The following IER3IP1 variants were observed in gnomAD, a reference collection of about 807,000 sequenced individuals.
IER3IP1 encodes the protein immediate early response 3-interacting protein 1.
IER3IP1 carries 16 observed loss-of-function variants against 12.2 expected under a neutral mutation model. The ratio of observed to expected loss-of-function variants is 1.31; its 90% CI spans 0.89 to 1.99. The LOEUF (loss-of-function observed/expected upper bound fraction) is 1.99, where lower values mean the gene tolerates loss of function less well. IER3IP1 is among the 30% of genes most tolerant of loss of function. The probability of loss-of-function intolerance (pLI) is 0.00; values close to 1 mark genes in which losing one functional copy is unlikely to be tolerated. For missense variants in IER3IP1, 95 were observed against 95.8 expected, an observed-to-expected ratio of 0.99 and a Z score of 0.03; for synonymous variants, 42 against 40.0, an observed-to-expected ratio of 1.05 and a Z score of -0.19.
chr18:47,156,242 G>GAA lies in IER3IP1; in HGVS notation c.194-12_194-11dup. The GAA allele has an allele frequency of 5.0e-6, 7 of 1,395,062 alleles. No individual in the cohort carries two copies. Among genetic ancestry groups the GAA allele is most frequent in the Non-Finnish European group, 5.9e-6 (6 of 1,019,820 alleles). The allele number at this position is 1,395,062 out of a possible 1,614,324, so 86.4% of individuals were successfully genotyped here. ...ACTATTATCAATGGCACTGTAAAGA[G>GAA]AAAAAAAAAAGTTTGTTACTATAAA... On this transcript the variant is annotated splice_polypyrimidine_tract_variant and intron_variant, in intron 2 of 2. Coordinates refer to ENST00000256433, the MANE Select transcript of IER3IP1 (RefSeq NM_016097.5).
At chr18:47,171,525 A>C (rs903566269) in intron 1 of IER3IP1, among the ~76,000 whole-genome samples, 11 of 152,188 alleles carry the variant, frequency 7.2e-5, no homozygotes, top group East Asian at 1.9e-4. Context: ...ATTATTCATT[A>C]TCTCTCTTTG....
intron 1 of IER3IP1, among the ~76,000 whole-genome samples, chr18:47,175,152 G>C (rs1477836900): frequency 1.3e-5 from 2 of 152,160 alleles, no homozygotes; most frequent in African/African-American, 4.8e-5. Context: ...TCTTGCTCCT[G>C]GGTTTACGTT....
chr18:47,168,125 C>CAAAAAAAAAA (rs1161198067), intron 1 of IER3IP1, among the ~76,000 whole-genome samples: 5 of 25,164 alleles, frequency 2.0e-4, no homozygotes, highest in African/African-American at 6.8e-4. Context: ...GACTCCGTCT[C>CAAAAAAAAAA]AAAAAAAAAA....
chr18:47,157,487 T>C lies in IER3IP1; in HGVS notation c.142A>G (p.Ile48Val), dbSNP rs768113000. ...ATAAGGTTCATTAGCTGTGATTTAA[T>C]TCCCGGCTCTTCTCCAAATCCACCA... ...GIGGFGEEPG[I>V]KSQLMNLIRS... Residue 48 changes from isoleucine to valine, a missense_variant, in exon 2 of 3, where the codon ATT becomes GTT. By Grantham distance (29) the Ile-to-Val change is conservative (BLOSUM62 3). Transcript: ENST00000256433. The C allele has an allele frequency of 1.2e-6, 2 of 1,614,168 alleles. No homozygotes were observed. The highest frequency in any genetic ancestry group is 1.1e-5 in the South Asian group (1 of 91,082).
intron 1 of IER3IP1, among the ~76,000 whole-genome samples, chr18:47,167,671 T>C (rs2064000367): frequency 6.6e-6 from 1 of 152,184 alleles, no homozygotes; most frequent in Admixed American, 6.5e-5. Context: ...TATTTTATAT[T>C]ACCCCAATCA....
intron 1 of IER3IP1, among the ~76,000 whole-genome samples, chr18:47,162,701 A>G (rs967701143): frequency 2.6e-5 from 4 of 152,182 alleles, no homozygotes; most frequent in Non-Finnish European, 5.9e-5. Flanking sequence ...AGAGGCAATT[A>G]TTGAAGAAAT....
At chr18:47,161,841 A>G (rs1447606688) in intron 1 of IER3IP1, among the ~76,000 whole-genome samples, 1 of 151,598 alleles carries the variant, frequency 6.6e-6, no homozygotes, top group Non-Finnish European at 1.5e-5. Flanking sequence ...TGAGAGCCCT[A>G]AGTTTGTTTT....
chr18:47,158,963 T>C (rs1264808576), intron 1 of IER3IP1, among the ~76,000 whole-genome samples: 1 of 151,900 alleles, frequency 6.6e-6, no homozygotes, highest in African/African-American at 2.4e-5. Flanking sequence ...TGTCTCAAAT[T>C]AAAAATTTTT....
intron 1 of IER3IP1, among the ~76,000 whole-genome samples, chr18:47,167,825 G>A (rs543130222): frequency 1.3e-5 from 2 of 152,160 alleles, no homozygotes; most frequent in Non-Finnish European, 2.9e-5. Context: ...CATTGCAGGT[G>A]TTCTAAAACA....
intron 1 of IER3IP1, among the ~76,000 whole-genome samples, chr18:47,175,721 A>G (rs2064030643): frequency 6.6e-6 from 1 of 152,026 alleles, no homozygotes; most frequent in African/African-American, 2.4e-5. Flanking sequence ...TCGGCCTGCC[A>G]AAGTGCTGGG....
At chr18:47,166,348 A>T (rs1415834526) in intron 1 of IER3IP1, among the ~76,000 whole-genome samples, 1 of 152,220 alleles carries the variant, frequency 6.6e-6, no homozygotes, top group African/African-American at 2.4e-5. Flanking sequence ...CAGAAAAGAA[A>T]CTACAGTGAT....
rs1208081147 is a variant in IER3IP1, at chr18:47,157,348, T to G, written c.193+88A>C. ...AGAGAAAAAAAATTCCCACTACAAA[T>G]GGCATATATGGTATTCACACTCAGA... On this transcript the variant is annotated intron_variant, in intron 2 of 2. Coordinates refer to ENST00000256433, the MANE Select transcript of IER3IP1 (RefSeq NM_016097.5). 4 of 1,061,090 alleles carry G rather than the reference T, an allele frequency of 3.8e-6. No homozygotes were observed. The African/African-American group carries it at 6.3e-5, about 17-fold the overall frequency. 65.7% of individuals were successfully genotyped at this position (1,061,090 alleles called of 1,614,324 possible). A position where few individuals can be genotyped will look rare whatever the true frequency, so the allele number is the denominator to read the frequency against.
At chr18:47,167,149 C>T (rs979177331) in intron 1 of IER3IP1, among the ~76,000 whole-genome samples, 1 of 152,022 alleles carries the variant, frequency 6.6e-6, no homozygotes, top group African/African-American at 2.4e-5. Context: ...ATCCTGGGCT[C>T]AAGCCATTCT....
intron 1 of IER3IP1, among the ~76,000 whole-genome samples, chr18:47,165,916 T>A (rs1470074917): frequency 6.6e-6 from 1 of 152,230 alleles, no homozygotes; most frequent in Non-Finnish European, 1.5e-5. Flanking sequence ...TCTATAGTAT[T>A]TTGTTATGGC....
Position 47,155,936 on chromosome 18 carries a change from G to A in IER3IP1, c.*241C>T, listed in dbSNP as rs939780348. The A allele has an allele frequency of 2.2e-6, 1 of 457,694 alleles. No homozygotes were observed. The highest frequency in any genetic ancestry group is 3.9e-6 in the Non-Finnish European group (1 of 257,472). 28.4% of individuals were successfully genotyped at this position (457,694 alleles called of 1,614,324 possible). ...CAGCATGAACTACTATTAACACTGA[G>A]CAATCAGATATTCCAGTCCTGGAGA... On this transcript the variant is annotated 3_prime_UTR_variant, in exon 3 of 3. Transcript: ENST00000256433.
rs2064034208 is a variant in IER3IP1, at chr18:47,176,320, G to A, written c.-43C>T. 7 of 1,521,152 alleles carry A rather than the reference G, an allele frequency of 4.6e-6. No homozygotes were observed. Among genetic ancestry groups the A allele is most frequent in the Non-Finnish European group, 6.3e-6 (7 of 1,114,828 alleles). 94.2% of individuals were successfully genotyped at this position (1,521,152 alleles called of 1,614,324 possible). On this transcript the variant is annotated 5_prime_UTR_variant, in exon 1 of 3. Coordinates refer to ENST00000256433, the MANE Select transcript of IER3IP1 (RefSeq NM_016097.5). ...CCGAAGTCCAAGCGATTTCTCTCCCGCCGCCGCAAGGGACGTGGCGCCTCC... is the reference window on the plus strand; with the variant it reads ...CCGAAGTCCAAGCGATTTCTCTCCCACCGCCGCAAGGGACGTGGCGCCTCC...
intron 1 of IER3IP1, among the ~76,000 whole-genome samples, chr18:47,171,364 T>C (rs774105832): frequency 9.9e-5 from 15 of 152,224 alleles, no homozygotes; most frequent in Non-Finnish European, 2.2e-4. Context: ...CTGGTTTTCA[T>C]ATTAGGTTAA....
At chr18:47,157,613 A>G in intron 1 of IER3IP1, 76 bp from the exon 2 acceptor site, 1 of 1,273,078 alleles carries the variant, frequency 7.9e-7, no homozygotes, top group African/African-American at 1.5e-5. Context: ...CTAAAAGATT[A>G]GTTTGAGACC....
intron 1 of IER3IP1, among the ~76,000 whole-genome samples, chr18:47,169,252 T>C (rs964642347): frequency 6.6e-6 from 1 of 152,242 alleles, no homozygotes; most frequent in Non-Finnish European, 1.5e-5. Context: ...GGTTCATCCA[T>C]ATTGTAGTGT....
Sources: allele counts gnomAD v4.1 joint callset (sites outside exome capture counted in the v4.1 genomes callset), GRCh38; gene constraint gnomAD v4.1.1; transcripts MANE v1.5; gene names NCBI Gene and HGNC (gene_info 2026-07-23, HGNC 2026-07-21).